The following PPA2 variants were observed in gnomAD, a reference collection of about 807,000 sequenced individuals.
The protein encoded by PPA2 is inorganic pyrophosphatase 2, mitochondrial.
A neutral mutation model predicts 49.5 loss-of-function variants in PPA2; 48 were observed. The observed-to-expected ratio is 0.97, with a 90% CI of 0.77 to 1.23. The LOEUF (loss-of-function observed/expected upper bound fraction) is 1.23, where lower values mean the gene tolerates loss of function less well. PPA2 is among the 50% of genes most tolerant of loss of function. PPA2 has a pLI of 0.00. For missense variants in PPA2, 429 were observed against 410.1 expected (o/e 1.05, Z -0.40); for synonymous variants, 131 against 139.9 (o/e 0.94, Z 0.45).
At chr4:105,395,343 A>T (rs1178628004) in intron 9 of PPA2, among the ~76,000 whole-genome samples, 1 of 125,710 alleles carries the variant, frequency 8.0e-6, no homozygotes, top group Admixed American at 8.8e-5. Flanking sequence ...GAGCACAGGG[A>T]CTCTATCGTA....
chr4:105,384,967 C>A lies in PPA2; in HGVS notation c.939+1600G>T, dbSNP rs147014921. Among the ~76,000 whole-genome samples the A allele has an allele frequency of 3.7e-4, 56 of 152,318 alleles. 2 individuals are homozygous for A. Among genetic ancestry groups the A allele is most frequent in the African/African-American group, 1.3e-3 (55 of 41,576 alleles). ...CAATCTCATCTCCTCCTTTCTCCCC[C>A]ATACTTTCTCTACTCTACCAGTCAC... is the stretch of plus-strand genomic sequence containing the variant. On this transcript the variant is annotated intron_variant, in intron 10 of 11. Transcript: ENST00000341695.
intron 1 of PPA2, 114 bp downstream of exon 1, chr4:105,473,780 G>A (rs1377426417): frequency 2.1e-6 from 3 of 1,448,742 alleles, no homozygotes; most frequent in Non-Finnish European, 1.9e-6. Flanking sequence ...CTACCGCTGA[G>A]GGCCCCAAAA....
chr4:105,430,732 A>G (rs1048585545), intron 6 of PPA2, among the ~76,000 whole-genome samples: 4 of 152,232 alleles, frequency 2.6e-5, no homozygotes, highest in African/African-American at 9.6e-5. Flanking sequence ...GATTAGGGAC[A>G]TGACAGTGGA....
rs533867564 is a variant in PPA2 at position 105,421,899 on chromosome 4, C to T, written c.655+2297G>A. ...CTCTTCTAAAATACAAAAAATTAGC[C>T]AGGTGTGGTGGCGCGCGCCTGTACT... On this transcript the variant is annotated intron_variant, in intron 7 of 11. Coordinates refer to ENST00000341695, the MANE Select transcript of PPA2 (RefSeq NM_176869.3). Among the ~76,000 whole-genome samples, 18 of 152,008 alleles carry T rather than the reference C, an allele frequency of 1.2e-4. 2 individuals are homozygous for T. The highest frequency in any genetic ancestry group is 1.2e-3 in the Admixed American group (18 of 15,268).
intron 4 of PPA2, among the ~76,000 whole-genome samples, chr4:105,448,774 A>C (rs183295396): frequency 3.9e-5 from 6 of 152,198 alleles, no homozygotes; most frequent in Admixed American, 6.5e-5. Context: ...AATCTACTTA[A>C]ACAACCTTTA....
chr4:105,466,635 G>A (rs924314491), intron 1 of PPA2, among the ~76,000 whole-genome samples: 20 of 152,278 alleles, frequency 1.3e-4, no homozygotes, highest in Middle Eastern at 6.8e-3. Context: ...AGGCTTTAGA[G>A]CAGGAACAAA....
intron 9 of PPA2, among the ~76,000 whole-genome samples, chr4:105,386,987 C>T (rs554196134): frequency 5.3e-5 from 8 of 152,188 alleles, no homozygotes; most frequent in South Asian, 4.2e-4. Flanking sequence ...ACAATGGGAC[C>T]TAGGATAAAT....
At chr4:105,460,356 T>C (rs761105607) in intron 1 of PPA2, among the ~76,000 whole-genome samples, 2 of 149,714 alleles carry the variant, frequency 1.3e-5, no homozygotes, top group Non-Finnish European at 3.0e-5. Context: ...GAAAAAAAAA[T>C]AGGAGGAGTG....
rs201855663 is a variant in PPA2 at position 105,385,451 on chromosome 4, C to CA, written c.939+1115dup. ...AAACAAACAACAACAAAAAAACAAA[C>CA]AAAAAAAACAATAAATTAAAAGCAG... On this transcript the variant is annotated intron_variant, in intron 10 of 11. Coordinates refer to ENST00000341695, the MANE Select transcript of PPA2 (RefSeq NM_176869.3). Among the ~76,000 whole-genome samples, 375 of 149,324 alleles carry CA rather than the reference C, an allele frequency of 2.5e-3. 2 individuals carry two copies. Among genetic ancestry groups the CA allele is most frequent in the Admixed American group, 4.1e-3 (62 of 15,036 alleles).
chr4:105,371,750 A>T (rs976219055), intron 10 of PPA2, among the ~76,000 whole-genome samples: 3 of 152,182 alleles, frequency 2.0e-5, no homozygotes, highest in African/African-American at 4.8e-5. Flanking sequence ...AACTCAGGCT[A>T]ACAACTGATG....
At position 105,473,986 on chromosome 4, in the gene PPA2, G is replaced by A; in HGVS notation, c.65C>T (p.Thr22Ile). ...APAAACLRLG[T>I]SAGTGSRRAM... ...ACGGCGCGACCCGGTCCCTGCACTG[G>A]TCCCCAACCGCAGGCACGCAGCGGC... The change falls in exon 1 of 12, where the codon ACC becomes ATC. Residue 22 changes from threonine to isoleucine, a missense_variant. By Grantham distance (89) the Thr-to-Ile change is moderately conservative (BLOSUM62 -1). Coordinates refer to ENST00000341695, the MANE Select transcript of PPA2 (RefSeq NM_176869.3). 1 of 1,609,080 alleles carries A rather than the reference G, an allele frequency of 6.2e-7. No homozygotes were observed. Among genetic ancestry groups the A allele is most frequent in the South Asian group, 1.1e-5 (1 of 90,554 alleles).
chr4:105,370,363 A>C (rs995290078), intron 11 of PPA2, among the ~76,000 whole-genome samples: 2 of 152,154 alleles, frequency 1.3e-5, no homozygotes, highest in African/African-American at 4.8e-5. Context: ...TTAAATTCTG[A>C]AAATTCACTA....
chr4:105,473,894 TAA>T lies in PPA2; in HGVS notation c.155_156del (p.Phe52Ter). On this transcript the variant is annotated frameshift_variant and splice_region_variant, in exon 1 of 12. Coordinates refer to ENST00000341695, the MANE Select transcript of PPA2 (RefSeq NM_176869.3). LOFTEE classifies it high-confidence loss of function. The part of the protein sequence containing the change: ...QPCSQNYRLF[F>X]KNVTGHYISP... ...CGGCGAACCTCCGGGAGCTACTTACTAAAGAAGAGGCGGTAATTCTGCGAGCA... is the reference window on the plus strand; with the variant it reads ...CGGCGAACCTCCGGGAGCTACTTACTAGAAGAGGCGGTAATTCTGCGAGCA... The T allele has an allele frequency of 6.3e-7, 1 of 1,596,872 alleles. No homozygotes were observed. The highest frequency in any genetic ancestry group is 8.5e-7 in the Non-Finnish European group (1 of 1,170,556).
intron 10 of PPA2, among the ~76,000 whole-genome samples, chr4:105,381,440 T>C (rs1478442064): frequency 2.0e-5 from 3 of 152,092 alleles, no homozygotes; most frequent in Non-Finnish European, 2.9e-5. Context: ...ATATACATTT[T>C]AGAATCACCC....
intron 10 of PPA2, among the ~76,000 whole-genome samples, chr4:105,372,043 T>C (rs914603637): frequency 2.0e-5 from 3 of 152,276 alleles, no homozygotes; most frequent in East Asian, 3.9e-4. Context: ...GAAGTAACGG[T>C]GGGTACAAAG....
At chr4:105,400,976 C>T (rs1734340339) in intron 7 of PPA2, among the ~76,000 whole-genome samples, 1 of 152,006 alleles carries the variant, frequency 6.6e-6, no homozygotes, top group African/African-American at 2.4e-5. Context: ...GCTGCATTGT[C>T]CCAAATAACA....
chr4:105,471,431 C>T (rs1723519025), intron 1 of PPA2, among the ~76,000 whole-genome samples: 2 of 152,274 alleles, frequency 1.3e-5, no homozygotes, highest in South Asian at 2.1e-4. Context: ...AAACCATTTA[C>T]AGACATGAAG....
At chr4:105,458,217 G>A (rs1722944369) in intron 1 of PPA2, among the ~76,000 whole-genome samples, 1 of 152,186 alleles carries the variant, frequency 6.6e-6, no homozygotes, top group African/African-American at 2.4e-5. Context: ...AAGGAAATAT[G>A]ATGACTAAAT....
chr4:105,453,509 T>C (rs1218430527), intron 3 of PPA2, 89 bp downstream of exon 3: 7 of 1,042,236 alleles, frequency 6.7e-6, no homozygotes, highest in South Asian at 2.1e-5. Context: ...GTAAAAACCT[T>C]AGAATCATTT....
Sources: gnomAD v4.1 joint callset for allele counts (sites outside exome capture counted in the v4.1 genomes callset) on GRCh38, gnomAD v4.1.1 for gene constraint, MANE v1.5 for transcripts, NCBI Gene and HGNC (gene_info 2026-07-23, HGNC 2026-07-21) for gene names.